The following IL10RA variants were observed in gnomAD, a reference collection of about 807,000 sequenced individuals.
The protein encoded by IL10RA is interleukin-10 receptor subunit alpha.
Under a neutral mutation model 29.6 loss-of-function variants are expected in IL10RA, and 18 were observed. That is an observed-to-expected ratio of 0.61 (90% confidence interval 0.42 to 0.90). The LOEUF (loss-of-function observed/expected upper bound fraction) is 0.90. Ranked by LOEUF, IL10RA falls within the 40% of genes least tolerant of loss-of-function variation. The pLI is 0.00. For synonymous variants in IL10RA, 292 were observed against 294.1 expected (o/e 0.99, Z 0.07); for missense variants, 634 against 716.6 (o/e 0.88, Z 1.32).
chr11:117,994,146 C>A lies in IL10RA; in HGVS notation c.685C>A (p.Gln229Lys). 1 of 1,613,848 alleles carries A rather than the reference C, an allele frequency of 6.2e-7. No homozygotes were observed. The highest frequency in any genetic ancestry group is 1.7e-4 in the Middle Eastern group (1 of 5,954). The change falls in exon 5 of 7, where the codon CAG becomes AAG. Residue 229 changes from glutamine (Q) to lysine (K), a missense_variant. Coordinates refer to ENST00000227752, the MANE Select transcript of IL10RA (RefSeq NM_001558.4). ...SKEECISLTRQYFTVTNVIIF... is the reference protein window; with the variant it reads ...SKEECISLTRKYFTVTNVIIF... ...AGAGGAGTGCATCTCCCTCACCAGG[C>A]AGTGTGAGTCAGCTGGGCTGCTCTC...
In IL10RA at chr11:118,000,809, G is replaced by A. The variant is rs983628515; in HGVS notation, c.*1168G>A. The A allele has an allele frequency of 1.3e-5, 6 of 454,168 alleles. No individual in the cohort carries two copies. The highest frequency in any genetic ancestry group is 1.2e-4 in the African/African-American group (6 of 50,020). 28.1% of individuals were successfully genotyped at this position (454,168 alleles called of 1,614,324 possible). On this transcript the variant is annotated 3_prime_UTR_variant, in exon 7 of 7. Transcript: ENST00000227752. ...TGTCCGTGGACTACCAAGCTGGCTTGTTTCTTATGCCAGAGGCTAACAGAT... is the reference window on the plus strand; with the variant it reads ...TGTCCGTGGACTACCAAGCTGGCTTATTTCTTATGCCAGAGGCTAACAGAT...
Position 117,998,964 on chromosome 11 carries a change from C to T in IL10RA, c.1060C>T (p.Pro354Ser), listed in dbSNP as rs1320082893. ...ADRTLGNREP[P>S]VLGDSCSSGS... ...CAGAACGCTGGGAAACAGGGAGCCC[C>T]CTGTGCTGGGGGACAGCTGCAGTAG... Residue 354 changes from proline (P) to serine (S), a missense_variant, in exon 7 of 7, where the codon CCT (proline) becomes TCT (serine). Transcript: ENST00000227752. 2 of 1,613,522 alleles carry T rather than the reference C, an allele frequency of 1.2e-6. No individual in the cohort carries two copies. Among genetic ancestry groups the T allele is most frequent in the Non-Finnish European group, 1.7e-6 (2 of 1,179,650 alleles).
rs1361352772 is a variant in IL10RA, at chr11:117,999,137, C to A, written c.1233C>A (p.Gly411=). ...TTGACTTAGTTCAAAACTCTGAGGGCCGGGCTGGGGACACACAGGGTGGCT... is the reference window on the plus strand; with the variant it reads ...TTGACTTAGTTCAAAACTCTGAGGGACGGGCTGGGGACACACAGGGTGGCT... The part of the protein sequence containing the change: ...SGIDLVQNSE[G]RAGDTQGGSA... Residue 411 remains glycine, a synonymous_variant, in exon 7 of 7, where the codon GGC becomes GGA. Transcript: ENST00000227752. The A allele has an allele frequency of 6.2e-7, 1 of 1,613,444 alleles. No individual in the cohort carries two copies. The highest frequency in any genetic ancestry group is 2.2e-5 in the East Asian group (1 of 44,850).
At position 118,001,252 on chromosome 11, in the gene IL10RA, A is replaced by G; in HGVS notation, c.*1611A>G. On this transcript the variant is annotated 3_prime_UTR_variant, in exon 7 of 7. Transcript: ENST00000227752. ...GTGAAAGAATTCTGGATATCTCAGG[A>G]GCCCCGAAATTCTAGCTCTGACTTT... 1 of 454,130 alleles carries G rather than the reference A, an allele frequency of 2.2e-6. No homozygotes were observed. Among genetic ancestry groups the G allele is most frequent in the Non-Finnish European group, 4.4e-6 (1 of 226,802 alleles). The allele number at this position is 454,130 out of a possible 1,614,324, so 28.1% of individuals were successfully genotyped here.
intron 6 of IL10RA, among the ~76,000 whole-genome samples, chr11:117,995,968 G>A (rs1040195499): frequency 1.3e-5 from 2 of 152,284 alleles, no homozygotes; most frequent in Non-Finnish European, 2.9e-5. Flanking sequence ...ATGACCACGA[G>A]CCATTTTGAT....
Position 117,999,694 on chromosome 11 carries a change from A to T in IL10RA, c.*53A>T. ...TAGCCATGCCTGCTCCTCTGCCTGG[A>T]CCAGGAGGAGGGCCCCTGGGGCAGA... On this transcript the variant is annotated 3_prime_UTR_variant, in exon 7 of 7. Coordinates refer to ENST00000227752, the MANE Select transcript of IL10RA (RefSeq NM_001558.4). The T allele has an allele frequency of 2.0e-6, 3 of 1,514,982 alleles. No individual in the cohort carries two copies. The highest frequency in any genetic ancestry group is 2.7e-6 in the Non-Finnish European group (3 of 1,093,848). The allele number at this position is 1,514,982 out of a possible 1,614,324, so 93.8% of individuals were successfully genotyped here. A position where few individuals can be genotyped will look rare whatever the true frequency, so the allele number is the denominator to read the frequency against.
rs142225531 is a variant in IL10RA at position 117,995,733 on chromosome 11, T to C, written c.810+23T>C. On this transcript the variant is annotated intron_variant, in intron 6 of 6. Transcript: ENST00000227752. ...CTGGTGAGTCTTGCAAGGAGGTCACTGCCCCGTCCTTCCCAGCCACACCCG... is the reference window on the plus strand; with the variant it reads ...CTGGTGAGTCTTGCAAGGAGGTCACCGCCCCGTCCTTCCCAGCCACACCCG... 1,484 of 1,609,480 alleles carry C rather than the reference T, an allele frequency of 9.2e-4. 7 individuals carry two copies. In the African/African-American group the frequency reaches 0.013, roughly 14 times the overall value.
Position 118,001,297 on chromosome 11 carries a change from C to A in IL10RA, c.*1656C>A, listed in dbSNP as rs1266809998. 4.4e-6 allele frequency: 2 copies of A among 454,018 alleles called. No homozygotes were observed. 28.1% of individuals were successfully genotyped at this position (454,018 alleles called of 1,614,324 possible). On this transcript the variant is annotated 3_prime_UTR_variant, in exon 7 of 7. Transcript: ENST00000227752. The stretch of plus-strand genomic sequence containing the variant: ...GACTTTGCTGTTTCCAGTGGTATGA[C>A]CTTGGAGAAGTCACTTATCCTCTTG...
Position 117,998,909 on chromosome 11 carries a change from C to T in IL10RA, c.1005C>T (p.Phe335=). 1 of 1,614,198 alleles carries T rather than the reference C, an allele frequency of 6.2e-7. No homozygotes were observed. The highest frequency in any genetic ancestry group is 1.3e-5 in the African/African-American group (1 of 75,066). The change falls in exon 7 of 7, where the codon TTC becomes TTT. Residue 335 remains phenylalanine, a synonymous_variant. Transcript: ENST00000227752. ...KPSLQTEEPQ[F]LLPDPHPQAD... ...CCCTGCAGACTGAAGAGCCCCAGTT[C>T]CTCCTCCCTGACCCTCACCCCCAGG...
Position 117,989,485 on chromosome 11 carries a change from A to T in IL10RA, c.232A>T (p.Thr78Ser). The change falls in exon 3 of 7, where the codon ACC becomes TCC. Residue 78 changes from threonine (T) to serine (S), a missense_variant. Coordinates refer to ENST00000227752, the MANE Select transcript of IL10RA (RefSeq NM_001558.4). This position sits in a 1 kb window ranked among gnomAD's most constrained non-coding sequence, Gnocchi z 4.5. The stretch of plus-strand genomic sequence containing the variant: ...GAACTCCATCTCCAACTGTAGCCAG[A>T]CCCTGTCCTATGACCTTACCGCAGT... ...SWNSISNCSQ[T>S]LSYDLTAVTL... 1 of 1,614,152 alleles carries T rather than the reference A, an allele frequency of 6.2e-7. No homozygotes were observed. The highest frequency in any genetic ancestry group is 8.5e-7 in the Non-Finnish European group (1 of 1,180,016).
chr11:117,988,267 C>T (rs2057999791), intron 1 of IL10RA, 115 bp from the exon 2 acceptor site: 6 of 1,353,772 alleles, frequency 4.4e-6, no homozygotes, highest in Non-Finnish European at 6.3e-6. Context: ...TTACGGGCTC[C>T]GCTGGCCTCG....
chr11:117,990,919 G>C (rs1045778389), intron 3 of IL10RA, among the ~76,000 whole-genome samples: 1 of 151,982 alleles, frequency 6.6e-6, no homozygotes, highest in African/African-American at 2.4e-5. Flanking sequence ...GTGTTGGGCT[G>C]GGCTCGGTGG....
rs745851262 is a variant in IL10RA, at chr11:117,999,983, T to G, written c.*342T>G. The G allele has an allele frequency of 3.7e-5, 18 of 487,842 alleles. No individual in the cohort carries two copies. Among genetic ancestry groups the G allele is most frequent in the Non-Finnish European group, 1.6e-5 (4 of 249,808 alleles). 30.2% of individuals were successfully genotyped at this position (487,842 alleles called of 1,614,324 possible). A position where few individuals can be genotyped will look rare whatever the true frequency, so the allele number is the denominator to read the frequency against. ...TATTTGCTCAGGGGAACCATGGGGC[T>G]TTCTGGAGTTGTGGTGAGGCCACCA... On this transcript the variant is annotated 3_prime_UTR_variant, in exon 7 of 7. Transcript: ENST00000227752.
At chr11:117,998,511 T>G (rs1464183179) in intron 6 of IL10RA, among the ~76,000 whole-genome samples, 1 of 152,204 alleles carries the variant, frequency 6.6e-6, no homozygotes, top group African/African-American at 2.4e-5. Flanking sequence ...AATACAAGTT[T>G]CTTGTGTATC....
chr11:117,993,366 C>T lies in IL10RA; in HGVS notation c.493C>T (p.Arg165Ter), dbSNP rs1294929436. ...ATATGAAAGCATCTTCAGTCACTTC[C>T]GAGAGTATGAGATTGCCATTCGCAA... ...DTYESIFSHF[R>*]EYEIAIRKVP... Residue 165 changes from arginine (R) to a stop codon, truncating the protein, a stop_gained, in exon 4 of 7, where the codon CGA (arginine) becomes TGA (stop). Transcript: ENST00000227752. LOFTEE classifies it high-confidence loss of function. 6 of 1,614,066 alleles carry T rather than the reference C, an allele frequency of 3.7e-6. No homozygotes were observed. The highest frequency in any genetic ancestry group is 2.2e-5 in the East Asian group (1 of 44,902).
In IL10RA at chr11:118,000,801, G is replaced by A. The variant is rs2058090833; in HGVS notation, c.*1160G>A. Reference sequence around the variant, plus strand: ...GCAGATACTGTCCGTGGACTACCAAGCTGGCTTGTTTCTTATGCCAGAGGC... The same window carrying A: ...GCAGATACTGTCCGTGGACTACCAAACTGGCTTGTTTCTTATGCCAGAGGC... On this transcript the variant is annotated 3_prime_UTR_variant, in exon 7 of 7. Transcript: ENST00000227752. 1 of 454,282 alleles carries A rather than the reference G, an allele frequency of 2.2e-6. No individual in the cohort carries two copies. Among genetic ancestry groups the A allele is most frequent in the African/African-American group, 2.0e-5 (1 of 50,138 alleles). The allele number at this position is 454,282 out of a possible 1,614,324, so 28.1% of individuals were successfully genotyped here.
At position 117,988,475 on chromosome 11, in the gene IL10RA, G is replaced by A. The variant is rs772899933; in HGVS notation, c.161G>A (p.Ser54Asn). Residue 54 changes from serine (S) to asparagine (N), a missense_variant, in exon 2 of 7, where the codon AGT becomes AAT. By Grantham distance (46) the Ser-to-Asn change is conservative (BLOSUM62 1). Coordinates refer to ENST00000227752, the MANE Select transcript of IL10RA (RefSeq NM_001558.4). ...HWTPIPNQSE[S>N]TCYEVALLRY... ...ACACCCATCCCAAATCAGTCTGAAA[G>A]TACCTGCTATGAAGTGGCGCTCCTG... 2.5e-5 allele frequency: 41 copies of A among 1,614,016 alleles called. No homozygotes were observed. Among genetic ancestry groups the A allele is most frequent in the Non-Finnish European group, 3.3e-5 (39 of 1,180,010 alleles).
Position 117,998,956 on chromosome 11 carries a change from G to T in IL10RA, c.1052G>T (p.Arg351Met). The change falls in exon 7 of 7, where the codon AGG becomes ATG. Residue 351 changes from arginine to methionine, a missense_variant. Transcript: ENST00000227752. ...HPQADRTLGN[R>M]EPPVLGDSCS... ...CAGGCTGACAGAACGCTGGGAAACA[G>T]GGAGCCCCCTGTGCTGGGGGACAGC... 1 of 1,613,420 alleles carries T rather than the reference G, an allele frequency of 6.2e-7. No homozygotes were observed. Among genetic ancestry groups the T allele is most frequent in the Non-Finnish European group, 8.5e-7 (1 of 1,179,516 alleles).
At position 118,001,292 on chromosome 11, in the gene IL10RA, T is replaced by A. The variant is rs1193557827; in HGVS notation, c.*1651T>A. On this transcript the variant is annotated 3_prime_UTR_variant, in exon 7 of 7. Transcript: ENST00000227752. ...GCTCTGACTTTGCTGTTTCCAGTGG[T>A]ATGACCTTGGAGAAGTCACTTATCC... is the stretch of plus-strand genomic sequence containing the variant. 1 of 454,208 alleles carries A rather than the reference T, an allele frequency of 2.2e-6. No individual in the cohort carries two copies. The highest frequency in any genetic ancestry group is 4.4e-6 in the Non-Finnish European group (1 of 226,800). The allele number at this position is 454,208 out of a possible 1,614,324, so 28.1% of individuals were successfully genotyped here. A position where few individuals can be genotyped will look rare whatever the true frequency, so the allele number is the denominator to read the frequency against.
Sources: gnomAD v4.1 joint callset for allele counts (sites outside exome capture counted in the v4.1 genomes callset) on GRCh38, gnomAD v4.1.1 for gene constraint, Gnocchi (gnomAD v3.1) non-coding constraint, MANE v1.5 for transcripts, NCBI Gene and HGNC (gene_info 2026-07-23, HGNC 2026-07-21) for gene names.